MORC3: variants seen among roughly 807,000 people sequenced by gnomAD.
The protein encoded by MORC3 is MORC family CW-type zinc finger 3.
A neutral mutation model predicts 109.1 loss-of-function variants in MORC3; 31 were observed. The ratio of observed to expected loss-of-function variants is 0.28; its 90% CI spans 0.21 to 0.38. The LOEUF is 0.38. MORC3 is among the 10% of genes least tolerant of loss of function. The pLI, the probability that MORC3 is intolerant of heterozygous loss-of-function variation, is 1.00. For missense variants in MORC3, 867 were observed against 1,135.8 expected (o/e 0.76, Z 3.40); for synonymous variants, 395 against 380.7 (o/e 1.04, Z -0.44).
intron 8 of MORC3, 135 bp from the exon 9 acceptor site, chr21:36,349,175 TA>T: frequency 1.5e-6 from 1 of 652,572 alleles, no homozygotes; most frequent in Non-Finnish European, 2.5e-6. Flanking sequence ...TAAAAACAAA[TA>T]AAAATAAAAA....
chr21:36,360,363 G>A, intron 12 of MORC3, 105 bp downstream of exon 12: 2 of 1,182,028 alleles, frequency 1.7e-6, no homozygotes, highest in Non-Finnish European at 2.4e-6. Context: ...ACCTGTAACT[G>A]AAAAAGTTTA....
At chr21:36,342,259 T>C (rs976192725) in intron 6 of MORC3, among the ~76,000 whole-genome samples, 26 of 152,190 alleles carry the variant, frequency 1.7e-4, no homozygotes, top group Middle Eastern at 3.4e-3. Context: ...CACAAAAAAT[T>C]TAACGTATTC....
At position 36,324,278 on chromosome 21, in the gene MORC3, G is replaced by GTTTT. The variant is rs56818491; in HGVS notation, c.39+3986_39+3989dup. Among the ~76,000 whole-genome samples the GTTTT allele has an allele frequency of 6.1e-4, 87 of 143,324 alleles. 1 individual carries two copies. Among genetic ancestry groups the GTTTT allele is most frequent in the African/African-American group, 1.7e-3 (65 of 39,336 alleles). The allele number at this position is 143,324 out of a possible 152,430, so 94.0% of individuals were successfully genotyped here. ...CTTATTGCTAGATACATTAACTGTA[G>GTTTT]TTTTTTTTTTTTTTGAGATGGAGTC... is the stretch of plus-strand genomic sequence containing the variant. On this transcript the variant is annotated intron_variant, in intron 1 of 16. Coordinates refer to ENST00000400485, the MANE Select transcript of MORC3 (RefSeq NM_015358.3).
chr21:36,361,520 G>A (rs1296616086), intron 12 of MORC3, among the ~76,000 whole-genome samples: 8 of 126,436 alleles, frequency 6.3e-5, no homozygotes, highest in Admixed American at 2.6e-4. Flanking sequence ...CAGCCTGGGC[G>A]ACAGAGTGAG....
At chr21:36,338,970 C>A in intron 5 of MORC3, 49 bp downstream of exon 5, 1 of 1,589,518 alleles carries the variant, frequency 6.3e-7, no homozygotes, top group Non-Finnish European at 8.6e-7. Flanking sequence ...AGTGCACGTG[C>A]AGGGTGGTGG....
chr21:36,368,446 C>G (rs2085805634), intron 14 of MORC3, among the ~76,000 whole-genome samples: 1 of 152,140 alleles, frequency 6.6e-6, no homozygotes, highest in South Asian at 2.1e-4. Context: ...GTAAATAGAT[C>G]TGGTACTTCA....
chr21:36,340,050 G>A (rs567187069), intron 5 of MORC3, among the ~76,000 whole-genome samples: 5 of 152,042 alleles, frequency 3.3e-5, no homozygotes, highest in Non-Finnish European at 4.4e-5. Context: ...AGGCTGAGGC[G>A]GGTGGATCAT....
intron 14 of MORC3, among the ~76,000 whole-genome samples, chr21:36,364,568 C>A (rs1414301298): frequency 6.6e-6 from 1 of 151,272 alleles, no homozygotes; most frequent in African/African-American, 2.4e-5. Flanking sequence ...CCTGTAATCC[C>A]AGCTACTCCA....
chr21:36,356,180 T>C (rs1200484756), intron 9 of MORC3, among the ~76,000 whole-genome samples: 2 of 152,208 alleles, frequency 1.3e-5, no homozygotes, highest in Non-Finnish European at 2.9e-5. Flanking sequence ...CATCTTTGTT[T>C]ACATTTCTCT....
chr21:36,323,051 T>C (rs1196951952), intron 1 of MORC3, among the ~76,000 whole-genome samples: 1 of 152,216 alleles, frequency 6.6e-6, no homozygotes, highest in East Asian at 1.9e-4. Flanking sequence ...TCTGTACTGA[T>C]CATCCAGACA....
chr21:36,360,124 G>A (rs1413799275), intron 11 of MORC3, 47 bp downstream of exon 11: 5 of 1,614,050 alleles, frequency 3.1e-6, no homozygotes, highest in Admixed American at 1.7e-5. Context: ...GGAAAGTACT[G>A]TTCACAGTGT....
At chr21:36,367,025 A>T (rs1457903773) in intron 14 of MORC3, among the ~76,000 whole-genome samples, 1 of 152,148 alleles carries the variant, frequency 6.6e-6, no homozygotes, top group Non-Finnish European at 1.5e-5. Context: ...GGGACTGCTG[A>T]AGGTGGAAGA....
intron 14 of MORC3, among the ~76,000 whole-genome samples, chr21:36,365,221 T>C (rs140004209): frequency 1.2e-4 from 18 of 152,278 alleles, no homozygotes; most frequent in African/African-American, 4.1e-4. Context: ...TTAGCCATCT[T>C]GACTGGATTG....
At chr21:36,345,791 A>G (rs568522320) in intron 8 of MORC3, among the ~76,000 whole-genome samples, 1 of 152,046 alleles carries the variant, frequency 6.6e-6, no homozygotes, top group Admixed American at 6.6e-5. Flanking sequence ...TCCTGACCTC[A>G]GGTGATCCAC....
intron 1 of MORC3, among the ~76,000 whole-genome samples, chr21:36,322,708 C>G (rs536893630): frequency 6.6e-6 from 1 of 152,046 alleles, no homozygotes; most frequent in Non-Finnish European, 1.5e-5. Context: ...TTTAGGAGGT[C>G]GGAGATCCCA....
In MORC3 at chr21:36,376,605, T is replaced by C. The variant is rs1432661871; in HGVS notation, c.*1309T>C. 1 of 152,150 alleles carries C rather than the reference T, an allele frequency of 6.6e-6. No individual in the cohort carries two copies. The highest frequency in any genetic ancestry group is 1.5e-5 in the Non-Finnish European group (1 of 68,012). 9.4% of individuals were successfully genotyped at this position (152,150 alleles called of 1,614,324 possible). ...ATTTCCCAAATTTTAAAATATCTTA[T>C]AATAAAATAAAAATATATGATGGCT... On this transcript the variant is annotated 3_prime_UTR_variant, in exon 17 of 17. Coordinates refer to ENST00000400485, the MANE Select transcript of MORC3 (RefSeq NM_015358.3).
chr21:36,353,673 G>A (rs1005267539), intron 9 of MORC3, among the ~76,000 whole-genome samples: 5 of 150,596 alleles, frequency 3.3e-5, no homozygotes, highest in Admixed American at 1.3e-4. Flanking sequence ...TCCGCCTCCT[G>A]GGTTCAAGCA....
rs2085404394 is a variant in MORC3, at chr21:36,338,907, T to C, written c.594T>C (p.Ile198=). Residue 198 remains isoleucine (I), a synonymous_variant, in exon 5 of 17, where the codon ATT becomes ATC. Coordinates refer to ENST00000400485, the MANE Select transcript of MORC3 (RefSeq NM_015358.3). ...IIGKKGTRII[I]WNLRSYKNAT... is the part of the protein sequence containing the mutation. ...GCAAGAAGGGGACGAGGATCATCAT[T>C]TGGAATCTTAGAAGGTAAACGTGGA... 1.2e-6 allele frequency: 2 copies of C among 1,613,686 alleles called. No individual in the cohort carries two copies. Among genetic ancestry groups the C allele is most frequent in the Non-Finnish European group, 1.7e-6 (2 of 1,179,866 alleles).
At chr21:36,348,493 C>T (rs150419080) in intron 8 of MORC3, among the ~76,000 whole-genome samples, 6,490 of 152,214 alleles carry the variant, frequency 0.043, 153 homozygotes, top group East Asian at 0.097. Flanking sequence ...CTGCAACCTC[C>T]GCCTGCCAGG....
Sources: gnomAD v4.1 joint callset for allele counts (sites outside exome capture counted in the v4.1 genomes callset) on GRCh38, gnomAD v4.1.1 for gene constraint, MANE v1.5 for transcripts, NCBI Gene and HGNC (gene_info 2026-07-23, HGNC 2026-07-21) for gene names.